Variants in ULK4 observed in about 807,000 individuals in gnomAD.
ULK4 encodes the protein unc-51 like kinase 4, also known as inactive serine/threonine-protein kinase ULK4.
ULK4 carries 133 observed loss-of-function variants against 160.6 expected under a neutral mutation model. The observed-to-expected ratio is 0.83, with a 90% CI of 0.72 to 0.96. The LOEUF (loss-of-function observed/expected upper bound fraction) is 0.96. ULK4 is among the 40% of genes least tolerant of loss of function. The probability of loss-of-function intolerance (pLI) is 0.00; values close to 1 mark genes in which losing one functional copy is unlikely to be tolerated. For synonymous variants in ULK4, 534 were observed against 539.8 expected (o/e 0.99, Z 0.15); for missense variants, 1,580 against 1,499.5 (o/e 1.05, Z -0.89).
chr3:41,916,682 G>C (rs1698977223), intron 7 of ULK4, among the ~76,000 whole-genome samples: 1 of 149,388 alleles, frequency 6.7e-6, no homozygotes, highest in Non-Finnish European at 1.5e-5. Flanking sequence ...ACAAGTGTGA[G>C]CCACTATGCT....
At chr3:41,905,680 C>T (rs1245203789) in intron 12 of ULK4, among the ~76,000 whole-genome samples, 1 of 152,074 alleles carries the variant, frequency 6.6e-6, no homozygotes, top group Non-Finnish European at 1.5e-5. Context: ...ATAAATATTT[C>T]TCCAAAGAAA....
At chr3:41,792,272 T>C (rs568136785) in intron 20 of ULK4, among the ~76,000 whole-genome samples, 41 of 152,206 alleles carry the variant, frequency 2.7e-4, no homozygotes, top group African/African-American at 7.9e-4. Context: ...TTTTAAAATT[T>C]TGAGAGGTAG....
intron 2 of ULK4, among the ~76,000 whole-genome samples, chr3:41,950,354 C>A (rs1262898185): frequency 1.3e-5 from 2 of 152,098 alleles, no homozygotes; most frequent in Non-Finnish European, 2.9e-5. Flanking sequence ...GATTCTCCTG[C>A]CTCAGCCTCC....
chr3:41,912,742 T>C, intron 9 of ULK4, 65 bp downstream of exon 9: 1 of 1,381,864 alleles, frequency 7.2e-7, no homozygotes, highest in East Asian at 2.3e-5. Context: ...GTTGTATATT[T>C]AGAACAGTAA....
chr3:41,369,936 T>C (rs554898255), intron 35 of ULK4, among the ~76,000 whole-genome samples: 3 of 152,090 alleles, frequency 2.0e-5, no homozygotes, highest in East Asian at 1.9e-4. Context: ...CACCCACTCA[T>C]AGAGTGCAAC....
chr3:41,603,263 C>A (rs1257737810), intron 31 of ULK4, among the ~76,000 whole-genome samples: 1 of 151,946 alleles, frequency 6.6e-6, no homozygotes, highest in Non-Finnish European at 1.5e-5. Flanking sequence ...ATAAAATTAT[C>A]ATTTTGATTC....
chr3:41,649,459 C>A (rs1042109829), intron 30 of ULK4, among the ~76,000 whole-genome samples: 1 of 152,122 alleles, frequency 6.6e-6, no homozygotes, highest in African/African-American at 2.4e-5. Flanking sequence ...CTGGAAAGCC[C>A]CTGTACCCCC....
chr3:41,925,724 G>A (rs1376844662), intron 5 of ULK4, among the ~76,000 whole-genome samples: 2 of 152,084 alleles, frequency 1.3e-5, no homozygotes, highest in Non-Finnish European at 2.9e-5. Flanking sequence ...GTGGGGAGGG[G>A]CATCCACCAT....
intron 35 of ULK4, among the ~76,000 whole-genome samples, chr3:41,387,038 T>A (rs1469629658): frequency 6.6e-6 from 1 of 152,102 alleles, no homozygotes; most frequent in Non-Finnish European, 1.5e-5. Flanking sequence ...CTCAGGAATA[T>A]CTCTTCAGGG....
chr3:41,896,873 G>C lies in ULK4; in HGVS notation c.1479C>G (p.Cys493Trp). ...RAKLNLLCYL[C>W]VVAGHQEVAT... is the part of the protein sequence containing the mutation. ...CCACCTCCTGGTGACCAGCCACCAC[G>C]CACAAATAGCAAAGGAGATTCAGCT... Residue 493 changes from cysteine (C) to tryptophan (W), a missense_variant, in exon 15 of 37, where the codon TGC becomes TGG. Cys to Trp is a radical substitution (Grantham distance 215). Transcript: ENST00000301831. 1 of 1,613,362 alleles carries C rather than the reference G, an allele frequency of 6.2e-7. No individual in the cohort carries two copies. The highest frequency in any genetic ancestry group is 2.2e-5 in the East Asian group (1 of 44,876).
chr3:41,479,661 G>A lies in ULK4; in HGVS notation c.3227-16408C>T, dbSNP rs150660586. Among the ~76,000 whole-genome samples the A allele has an allele frequency of 9.1e-3, 1,390 of 152,192 alleles. 16 individuals are homozygous for A. Among genetic ancestry groups the A allele is most frequent in the Middle Eastern group, 0.041 (12 of 294 alleles). On this transcript the variant is annotated intron_variant, in intron 32 of 36. Transcript: ENST00000301831. ...CAATTGTGGGAAGGCTAGAAGCTAG[G>A]GCCTGTGAAAAACAGCAGAGACAGG...
intron 25 of ULK4, among the ~76,000 whole-genome samples, chr3:41,706,575 C>A (rs1401562291): frequency 1.3e-5 from 2 of 150,906 alleles, no homozygotes; most frequent in Admixed American, 6.6e-5. Flanking sequence ...CACCTGTAAT[C>A]CCAGCACTTT....
chr3:41,913,855 T>G (rs955065151), intron 8 of ULK4, among the ~76,000 whole-genome samples: 1 of 151,896 alleles, frequency 6.6e-6, no homozygotes, highest in Non-Finnish European at 1.5e-5. Context: ...CCCAGCTACT[T>G]GGGAGGCTGA....
chr3:41,265,073 C>T (rs1361201228), intron 35 of ULK4, among the ~76,000 whole-genome samples: 1 of 152,188 alleles, frequency 6.6e-6, no homozygotes, highest in Non-Finnish European at 1.5e-5. Context: ...AAGGACTCCA[C>T]GACTTTGGGA....
At chr3:41,816,904 AG>A (rs2040982572) in intron 19 of ULK4, among the ~76,000 whole-genome samples, 1 of 152,196 alleles carries the variant, frequency 6.6e-6, no homozygotes, top group Non-Finnish European at 1.5e-5. Context: ...TGCTGGTGGG[AG>A]TATAAATTGA....
intron 30 of ULK4, among the ~76,000 whole-genome samples, chr3:41,619,297 T>C (rs569653485): frequency 5.3e-5 from 8 of 152,030 alleles, no homozygotes; most frequent in Admixed American, 5.2e-4. Flanking sequence ...TACAGAACTC[T>C]CCACCACAAA....
chr3:41,661,736 T>C (rs1343527259), intron 30 of ULK4, among the ~76,000 whole-genome samples: 2 of 152,190 alleles, frequency 1.3e-5, no homozygotes, highest in African/African-American at 2.4e-5. Flanking sequence ...TATTCAAATA[T>C]TACTTGTTCA....
intron 32 of ULK4, among the ~76,000 whole-genome samples, chr3:41,508,227 A>G (rs561229211): frequency 6.6e-6 from 1 of 152,228 alleles, no homozygotes; most frequent in African/African-American, 2.4e-5. Flanking sequence ...CTCTGGGAAC[A>G]TAACTTCACT....
At chr3:41,858,887 T>G (rs2042434951) in intron 17 of ULK4, among the ~76,000 whole-genome samples, 1 of 151,988 alleles carries the variant, frequency 6.6e-6, no homozygotes, top group Admixed American at 6.6e-5. Flanking sequence ...ATCCTGAAAA[T>G]ACAGTAAGGT....
Sources: gnomAD v4.1 joint callset for allele counts (sites outside exome capture counted in the v4.1 genomes callset) on GRCh38, gnomAD v4.1.1 for gene constraint, MANE v1.5 for transcripts, NCBI Gene and HGNC (gene_info 2026-07-23, HGNC 2026-07-21) for gene names.